The following TMCO5A variants were observed in gnomAD, a reference collection of about 807,000 sequenced individuals.
TMCO5A encodes transmembrane and coiled-coil domains 5A.
TMCO5A carries 34 observed loss-of-function variants against 42.3 expected under a neutral mutation model. That is an observed-to-expected ratio of 0.80 (90% CI 0.61 to 1.07). The LOEUF is 1.07. TMCO5A is among the 50% of genes least tolerant of loss of function. The probability of loss-of-function intolerance (pLI) is 0.00; values close to 1 mark genes in which losing one functional copy is unlikely to be tolerated. For missense variants in TMCO5A, 357 were observed against 327.9 expected (o/e 1.09, Z -0.69); for synonymous variants, 131 against 115.6 (o/e 1.13, Z -0.86).
chr15:37,960,982 CTG>C (rs1475833827), intron 11 of TMCO5A, among the ~76,000 whole-genome samples: 2 of 150,388 alleles, frequency 1.3e-5, no homozygotes, highest in East Asian at 3.9e-4. Context: ...TTCTGCCACT[CTG>C]TGGACTGTCT....
At position 37,934,668 on chromosome 15, in the gene TMCO5A, G is replaced by A. The variant is rs957053859; in HGVS notation, c.-129G>A. 7 of 152,096 alleles carry A rather than the reference G, an allele frequency of 4.6e-5. No individual in the cohort carries two copies. The highest frequency in any genetic ancestry group is 1.7e-4 in the African/African-American group (7 of 41,434). The allele number at this position is 152,096 out of a possible 1,614,324, so 9.4% of individuals were successfully genotyped here. A position where few individuals can be genotyped will look rare whatever the true frequency, so the allele number is the denominator to read the frequency against. ...AGCTAATTGACTAGGGAAGGATCAG[G>A]AAGACAAGACACATCAAAAAGGGGA... On this transcript the variant is annotated 5_prime_UTR_variant, in exon 1 of 12. Coordinates refer to ENST00000319669, the MANE Select transcript of TMCO5A (RefSeq NM_152453.4).
At chr15:38,027,005 G>A in the TMCO5A span, among the ~76,000 whole-genome samples, 1 of 152,144 alleles carries the variant, frequency 6.6e-6, no homozygotes, top group African/African-American at 2.4e-5. Context: ...GCAGGGGTGG[G>A]GAGTTCATGG....
At chr15:37,978,620 G>T in the TMCO5A span, among the ~76,000 whole-genome samples, 1 of 152,144 alleles carries the variant, frequency 6.6e-6, no homozygotes, top group Admixed American at 6.5e-5. Context: ...CAATGCAAGA[G>T]AGCCTGAGGG....
rs764233127 is a variant in TMCO5A, at chr15:37,942,271, G to A, written c.569+16G>A. 1 of 1,610,846 alleles carries A rather than the reference G, an allele frequency of 6.2e-7. No homozygotes were observed. Among genetic ancestry groups the A allele is most frequent in the South Asian group, 1.1e-5 (1 of 90,814 alleles). ...AGAGAGAAGTGTGAGCTTTGGCAAA[G>A]GAACATCCTGGTTTTGGTAGAAACT... On this transcript the variant is annotated intron_variant, in intron 9 of 11. Coordinates refer to ENST00000319669, the MANE Select transcript of TMCO5A (RefSeq NM_152453.4).
At chr15:37,983,737 T>G in the TMCO5A span, among the ~76,000 whole-genome samples, 2 of 151,278 alleles carry the variant, frequency 1.3e-5, no homozygotes, top group African/African-American at 4.9e-5. Context: ...TTTTGTTTTT[T>G]TTTTGAGATG....
intron 11 of TMCO5A, among the ~76,000 whole-genome samples, chr15:37,960,449 T>C (rs1016190626): frequency 3.3e-5 from 5 of 152,136 alleles, no homozygotes; most frequent in African/African-American, 1.2e-4. Context: ...GGCATTTGGG[T>C]TGGTTCCATG....
chr15:38,036,277 C>T, the TMCO5A span, among the ~76,000 whole-genome samples: 2 of 152,264 alleles, frequency 1.3e-5, no homozygotes, highest in African/African-American at 4.8e-5. Context: ...CCTCCCTCTG[C>T]TCCATCTTTT....
At chr15:38,038,427 C>T in the TMCO5A span, among the ~76,000 whole-genome samples, 294 of 145,366 alleles carry the variant, frequency 2.0e-3, no homozygotes, top group African/African-American at 7.4e-3. Context: ...TTTTTTGAGA[C>T]GGAGTCTCGC....
the TMCO5A span, among the ~76,000 whole-genome samples, chr15:37,990,916 C>A: frequency 6.6e-6 from 1 of 152,008 alleles, no homozygotes; most frequent in African/African-American, 2.4e-5. Flanking sequence ...ACAGCTCCAT[C>A]CTCACATCCT....
chr15:38,021,950 CAGGCA>C, the TMCO5A span, among the ~76,000 whole-genome samples: 1 of 151,888 alleles, frequency 6.6e-6, no homozygotes, highest in Non-Finnish European at 1.5e-5. Context: ...GCTGGGACTA[CAGGCA>C]AGCGCCACCA....
the TMCO5A span, among the ~76,000 whole-genome samples, chr15:37,999,056 GCCA>G: frequency 5.3e-5 from 8 of 152,008 alleles, no homozygotes; most frequent in Admixed American, 5.2e-4. Context: ...ACAGGCATGC[GCCA>G]CCATGCCCAG....
chr15:37,941,517 A>G (rs1180989902), intron 7 of TMCO5A, among the ~76,000 whole-genome samples, 154 bp from the exon 8 acceptor site: 1 of 152,138 alleles, frequency 6.6e-6, no homozygotes, highest in African/African-American at 2.4e-5. Context: ...CCCTAAAAAA[A>G]GGAAATACAT....
At chr15:37,952,524 C>T (rs1193479069), downstream of TMCO5A, among the ~76,000 whole-genome samples, 1 of 152,134 alleles carries the variant, frequency 6.6e-6, no homozygotes, top group African/African-American at 2.4e-5. Flanking sequence ...GACACATCAC[C>T]TGCTAACTGA....
At chr15:37,997,488 T>G in the TMCO5A span, among the ~76,000 whole-genome samples, 3 of 152,222 alleles carry the variant, frequency 2.0e-5, no homozygotes, top group Admixed American at 2.0e-4. Flanking sequence ...CTCCTTGGCC[T>G]ATTTCACTTA....
At position 37,937,337 on chromosome 15, in the gene TMCO5A, C is replaced by G; in HGVS notation, c.265-9C>G. 1 of 1,612,924 alleles carries G rather than the reference C, an allele frequency of 6.2e-7. No homozygotes were observed. Among genetic ancestry groups the G allele is most frequent in the Non-Finnish European group, 8.5e-7 (1 of 1,179,268 alleles). ...GAGGCAGATTTACACTGTTATTTCT[C>G]TCTCACAGGAAAGGAAGAATAAGAC... On this transcript the variant is annotated splice_polypyrimidine_tract_variant and intron_variant, in intron 4 of 11. Coordinates refer to ENST00000319669, the MANE Select transcript of TMCO5A (RefSeq NM_152453.4).
the TMCO5A span, among the ~76,000 whole-genome samples, chr15:37,982,480 G>GTATTATATATTATCTATATATAATAGA: frequency 0.016 from 1,235 of 79,442 alleles, 158 homozygotes; most frequent in African/African-American, 0.029. Context: ...GATATTTTAT[G>GTATTATATATTATCTATATATAATAGA]TATTATATAT....
At chr15:37,988,353 T>C in the TMCO5A span, among the ~76,000 whole-genome samples, 2 of 152,064 alleles carry the variant, frequency 1.3e-5, no homozygotes, top group African/African-American at 4.8e-5. Context: ...TTTCTTGCCT[T>C]ATTGCTCTGG....
rs764514134 is a variant in TMCO5A at position 37,936,968 on chromosome 15, C to A, written c.262C>A (p.Leu88Ile). 2.5e-6 allele frequency: 4 copies of A among 1,612,018 alleles called. No individual in the cohort carries two copies. The highest frequency in any genetic ancestry group is 3.4e-6 in the Non-Finnish European group (4 of 1,178,800). The change falls in exon 4 of 12, where the codon CTT becomes ATT. Residue 88 changes from leucine (L) to isoleucine (I), a missense_variant and splice_region_variant. Physicochemically the swap from Leu to Ile is conservative, Grantham distance 5 (BLOSUM62 2). Transcript: ENST00000319669. ...LQELEEETAR[L>I]ERKNKTLVHS... ...GGAGCTGGAGGAAGAAACAGCCAGA[C>A]TTGTAAGCAAGAAGTTGGGAAGAGC...
At chr15:37,967,258 T>C (rs899385474) in exon 12 of TMCO5A, 3 of 152,490 alleles carry the variant, frequency 2.0e-5, no homozygotes, top group East Asian at 1.9e-4. Context: ...GCCTTACTAA[T>C]AGGATATACT....
Sources: gnomAD v4.1 joint callset for allele counts (sites outside exome capture counted in the v4.1 genomes callset) on GRCh38, gnomAD v4.1.1 for gene constraint, MANE v1.5 for transcripts, NCBI Gene and HGNC (gene_info 2026-07-23, HGNC 2026-07-21) for gene names.